The following EYS variants were observed in gnomAD, a reference collection of about 807,000 sequenced individuals.
EYS encodes the protein protein eyes shut homolog.
EYS carries 250 observed loss-of-function variants against 282.1 expected under a neutral mutation model. The observed-to-expected ratio is 0.89, with a 90% CI of 0.80 to 0.98. EYS has a LOEUF of 0.98. Among genes scored for constraint, EYS ranks in the 50% least tolerant of loss-of-function variants. The pLI is 0.00. For synonymous variants in EYS, 1,355 were observed against 1,282.9 expected, an observed-to-expected ratio of 1.06 and a Z score of -1.20; for missense variants, 4,016 against 3,709.0, an observed-to-expected ratio of 1.08 and a Z score of -2.15.
At chr6:64,299,488 C>T (rs186420559) in intron 30 of EYS, among the ~76,000 whole-genome samples, 11 of 152,268 alleles carry the variant, frequency 7.2e-5, no homozygotes, top group Admixed American at 2.0e-4. Flanking sequence ...GTGTGAGGAA[C>T]GCTGCAACGG....
intron 16 of EYS, among the ~76,000 whole-genome samples, chr6:64,909,440 G>A (rs766387950): frequency 3.4e-4 from 52 of 152,128 alleles, no homozygotes; most frequent in East Asian, 1.9e-4. Context: ...CTTCCTATGT[G>A]TTATTTTTCT....
chr6:64,296,567 TATATATATATATATATACATATATATATA>T (rs1561913620), intron 30 of EYS, among the ~76,000 whole-genome samples: 12 of 6,780 alleles, frequency 1.8e-3, no homozygotes, highest in African/African-American at 7.8e-3. Context: ...TATATATATA[TATATATATATATATATACATATATATATA>T]TATTTTTTTT....
In EYS at chr6:64,928,269, A is replaced by G. The variant is rs372612979; in HGVS notation, c.2382-15526T>C. ...CCTTAATTATATCATTTTTTTAAGA[A>G]CTTAATATCAAATTTTGATTATCTT... On this transcript the variant is annotated intron_variant, in intron 15 of 42. Coordinates refer to ENST00000503581, the MANE Select transcript of EYS (RefSeq NM_001142800.2). 2.2e-4 allele frequency among the ~76,000 whole-genome samples: 33 copies of G among 152,238 alleles called. No homozygotes were observed. The South Asian group carries it at 3.5e-3, about 16-fold the overall frequency.
chr6:64,687,930 ACTT>A (rs1770218707), intron 22 of EYS, among the ~76,000 whole-genome samples: 1 of 152,002 alleles, frequency 6.6e-6, no homozygotes, highest in Admixed American at 6.6e-5. Flanking sequence ...CAGGGATTCA[ACTT>A]CTTCTTTGTT....
intron 2 of EYS, among the ~76,000 whole-genome samples, chr6:65,586,891 A>G (rs185275202): frequency 7.3e-4 from 111 of 152,224 alleles, no homozygotes; most frequent in African/African-American, 2.6e-3. Context: ...AAAATGCCTT[A>G]GTAATTTCAG....
intron 31 of EYS, among the ~76,000 whole-genome samples, chr6:64,100,472 C>T (rs1341937485): frequency 1.3e-5 from 2 of 152,028 alleles, no homozygotes; most frequent in Non-Finnish European, 2.9e-5. Flanking sequence ...CAGCCAAAAT[C>T]CTTTGGAGTA....
chr6:65,344,403 G>C (rs917173635), intron 9 of EYS, among the ~76,000 whole-genome samples: 9 of 151,484 alleles, frequency 5.9e-5, no homozygotes, highest in African/African-American at 2.2e-4. Context: ...AAGAAGAAGA[G>C]ACAGCTCCCA....
intron 5 of EYS, among the ~76,000 whole-genome samples, chr6:65,463,738 A>C (rs1025268535): frequency 6.6e-6 from 1 of 152,146 alleles, no homozygotes; most frequent in Non-Finnish European, 1.5e-5. Context: ...AATTATGTAA[A>C]TGACAACTCA....
intron 12 of EYS, among the ~76,000 whole-genome samples, chr6:65,221,060 A>T: frequency 6.6e-6 from 1 of 152,306 alleles, no homozygotes; most frequent in African/African-American, 2.4e-5. Flanking sequence ...AAATCATTCA[A>T]TTTTATGTAT....
At chr6:63,972,181 T>C (rs891073001) in intron 35 of EYS, among the ~76,000 whole-genome samples, 2 of 152,202 alleles carry the variant, frequency 1.3e-5, no homozygotes, top group African/African-American at 4.8e-5. Flanking sequence ...AATGGGTTCT[T>C]TTTTTAGAGG....
intron 22 of EYS, among the ~76,000 whole-genome samples, chr6:64,662,644 G>C (rs769876226): frequency 1.3e-5 from 2 of 152,030 alleles, no homozygotes; most frequent in Admixed American, 1.3e-4. Flanking sequence ...AACTATTATA[G>C]GCTAAATCAA....
At chr6:65,412,330 T>G (rs1767054730) in intron 5 of EYS, among the ~76,000 whole-genome samples, 1 of 152,138 alleles carries the variant, frequency 6.6e-6, no homozygotes, top group African/African-American at 2.4e-5. Flanking sequence ...TAGGCTTCAG[T>G]GTGAAAGTAA....
At chr6:64,552,203 A>C (rs1249730382) in intron 26 of EYS, among the ~76,000 whole-genome samples, 1 of 152,200 alleles carries the variant, frequency 6.6e-6, no homozygotes, top group Non-Finnish European at 1.5e-5. Flanking sequence ...ATTAACACTA[A>C]AACAGAAACC....
intron 26 of EYS, among the ~76,000 whole-genome samples, chr6:64,570,473 C>A (rs1765690811): frequency 6.6e-6 from 1 of 152,022 alleles, no homozygotes; most frequent in South Asian, 2.1e-4. Flanking sequence ...GGGCTAAATG[C>A]CTCAATTGAA....
At chr6:64,745,473 A>G (rs886400018) in intron 22 of EYS, among the ~76,000 whole-genome samples, 1 of 152,190 alleles carries the variant, frequency 6.6e-6, no homozygotes, top group Admixed American at 6.5e-5. Context: ...CATTTAGTAT[A>G]TCATAATATT....
chr6:63,893,507 G>A (rs763899392), intron 35 of EYS, among the ~76,000 whole-genome samples: 1 of 152,070 alleles, frequency 6.6e-6, no homozygotes, highest in African/African-American at 2.4e-5. Context: ...GTTCTCACTC[G>A]TGAGTGGGAG....
intron 5 of EYS, among the ~76,000 whole-genome samples, chr6:65,434,551 A>G (rs1768003960): frequency 6.6e-6 from 1 of 152,098 alleles, no homozygotes. Context: ...CGATCTCCTC[A>G]CCTTGTGATC....
intron 29 of EYS, among the ~76,000 whole-genome samples, chr6:64,339,531 G>A (rs1423014959): frequency 3.3e-5 from 5 of 151,880 alleles, no homozygotes; most frequent in East Asian, 1.9e-4. Context: ...ACTGCTGGTG[G>A]GAATGTAAAC....
Position 64,719,678 on chromosome 6 carries a change from G to A in EYS, c.3444-93433C>T, listed in dbSNP as rs552091121. 3.9e-5 allele frequency among the ~76,000 whole-genome samples: 6 copies of A among 152,268 alleles called. No homozygotes were observed. The South Asian group carries it at 1.2e-3, about 32-fold the overall frequency. The stretch of plus-strand genomic sequence containing the variant: ...TATATACTTCGGGAGGCTGAGGCAG[G>A]TGAATCACTGGAAGTCAGGAGTTCT... On this transcript the variant is annotated intron_variant, in intron 22 of 42. Transcript: ENST00000503581.
Sources: allele counts gnomAD v4.1 joint callset (sites outside exome capture counted in the v4.1 genomes callset), GRCh38; gene constraint gnomAD v4.1.1; transcripts MANE v1.5; gene names NCBI Gene and HGNC (gene_info 2026-07-23, HGNC 2026-07-21).